Variants in NOTO observed in about 807,000 individuals in gnomAD.
The protein encoded by NOTO is homeobox protein notochord.
A neutral mutation model predicts 20.5 loss-of-function variants in NOTO; 19 were observed. The observed-to-expected ratio is 0.93, with a 90% confidence interval of 0.65 to 1.36. The LOEUF (loss-of-function observed/expected upper bound fraction) is 1.36, where lower values mean the gene tolerates loss of function less well. NOTO is among the 40% of genes most tolerant of loss of function. The probability of loss-of-function intolerance (pLI) is 0.00; values close to 1 mark genes in which losing one functional copy is unlikely to be tolerated. For synonymous variants in NOTO, 150 were observed against 150.2 expected (o/e 1.00, Z 0.01); for missense variants, 369 against 336.2 (o/e 1.10, Z -0.76).
At chr2:73,207,832 G>A (rs867518083) in intron 1 of NOTO, among the ~76,000 whole-genome samples, 1 of 152,124 alleles carries the variant, frequency 6.6e-6, no homozygotes, top group African/African-American at 2.4e-5. Flanking sequence ...TGGAATTACA[G>A]GCATGAGCCA....
At position 73,211,314 on chromosome 2, in the gene NOTO, GA is replaced by G. The variant is rs11369165; in HGVS notation, c.*395del. 4.6e-3 allele frequency: 716 copies of G among 155,990 alleles called. 4 individuals are homozygous for G. Among genetic ancestry groups the G allele is most frequent in the Middle Eastern group, 0.015 (5 of 326 alleles). The allele number at this position is 155,990 out of a possible 1,614,324, so 9.7% of individuals were successfully genotyped here. On this transcript the variant is annotated 3_prime_UTR_variant, in exon 3 of 3. Transcript: ENST00000398468. ...GCCCCTGAGTAGAGAAGACCAACTG[GA>G]AAAAAAAAAGTTTTTTTCTTCTGCT...
Position 73,212,103 on chromosome 2 carries a change from A to G in NOTO, c.*1174A>G, listed in dbSNP as rs1383955168. ...TTAGCCCACTTCACAAAGTTTCCCA[A>G]CGTTTTCTTGTTTTGTCTGAACTGT... On this transcript the variant is annotated 3_prime_UTR_variant, in exon 3 of 3. Coordinates refer to ENST00000398468, the MANE Select transcript of NOTO (RefSeq NM_001134462.2). 1.3e-5 allele frequency: 2 copies of G among 152,182 alleles called. No individual in the cohort carries two copies. Among genetic ancestry groups the G allele is most frequent in the East Asian group, 3.9e-4 (2 of 5,184 alleles). 9.4% of individuals were successfully genotyped at this position (152,182 alleles called of 1,614,324 possible). A position where few individuals can be genotyped will look rare whatever the true frequency, so the allele number is the denominator to read the frequency against.
chr2:73,203,132 G>A lies in NOTO; in HGVS notation c.382+84G>A. 2.5e-6 allele frequency: 3 copies of A among 1,188,320 alleles called. No homozygotes were observed. In the South Asian group the frequency reaches 6.1e-5, roughly 24 times the overall value. The allele number at this position is 1,188,320 out of a possible 1,614,324, so 73.6% of individuals were successfully genotyped here. On this transcript the variant is annotated intron_variant, in intron 1 of 2. Coordinates refer to ENST00000398468, the MANE Select transcript of NOTO (RefSeq NM_001134462.2). ...CGCCACTGCCGGCGCCCCAGTGCAG[G>A]AGAGGGCACTGAGTGTGAGAATCAC...
chr2:73,208,275 C>T, intron 1 of NOTO, 125 bp from the exon 2 acceptor site: 1 of 642,250 alleles, frequency 1.6e-6, no homozygotes, highest in Admixed American at 2.7e-5. Context: ...GTTACCTGGC[C>T]AAGGGGAAGG....
intron 2 of NOTO, among the ~76,000 whole-genome samples, chr2:73,210,377 C>T (rs1386153449): frequency 6.6e-6 from 1 of 152,214 alleles, no homozygotes; most frequent in Non-Finnish European, 1.5e-5. Context: ...CTTTGAGCCT[C>T]AGCTTTAATG....
At chr2:73,203,090 G>T (rs1686029881) in intron 1 of NOTO, 42 bp downstream of exon 1, 2 of 1,365,900 alleles carry the variant, frequency 1.5e-6, no homozygotes, top group Non-Finnish European at 1.9e-6. Context: ...ACTGGGCGGG[G>T]GCTGGAGAGC....
In NOTO at chr2:73,210,770, G is replaced by T. The variant is rs1248048549; in HGVS notation, c.598-1G>T. 1 of 1,548,576 alleles carries T rather than the reference G, an allele frequency of 6.5e-7. No individual in the cohort carries two copies. The highest frequency in any genetic ancestry group is 2.0e-5 in the Admixed American group (1 of 50,802). On this transcript the variant is annotated splice_acceptor_variant, in intron 2 of 2. Transcript: ENST00000398468. LOFTEE classifies it high-confidence loss of function. The stretch of plus-strand genomic sequence containing the variant: ...GATCTCTGCCCACTCTCCAATTATA[G>T]GTGAGAGTCTGGTTCCAGAACCGCA...
At chr2:73,203,690 C>T (rs10199536) in intron 1 of NOTO, among the ~76,000 whole-genome samples, 37,988 of 152,144 alleles carry the variant, frequency 0.25, 5,721 homozygotes, top group African/African-American at 0.43. Context: ...TAAGGTTGGG[C>T]GCGGTGGCTC....
At chr2:73,204,965 C>G (rs1686070052) in intron 1 of NOTO, among the ~76,000 whole-genome samples, 1 of 149,612 alleles carries the variant, frequency 6.7e-6, no homozygotes, top group African/African-American at 2.5e-5. Flanking sequence ...ACTGCAAGCT[C>G]CGCCTCCCGG....
Position 73,212,513 on chromosome 2 carries a change from G to C in NOTO, c.*1584G>C, listed in dbSNP as rs979758825. On this transcript the variant is annotated 3_prime_UTR_variant, in exon 3 of 3. Coordinates refer to ENST00000398468, the MANE Select transcript of NOTO (RefSeq NM_001134462.2). Reference sequence around the variant, plus strand: ...TATAATTTCCCCCTTTCATGACTCTGACTCATGGCTCCTTTTTCTTCTCAA... The same window carrying C: ...TATAATTTCCCCCTTTCATGACTCTCACTCATGGCTCCTTTTTCTTCTCAA... The C allele has an allele frequency of 1.3e-5, 2 of 152,242 alleles. No homozygotes were observed. Among genetic ancestry groups the C allele is most frequent in the African/African-American group, 4.8e-5 (2 of 41,462 alleles). 9.4% of individuals were successfully genotyped at this position (152,242 alleles called of 1,614,324 possible). A position where few individuals can be genotyped will look rare whatever the true frequency, so the allele number is the denominator to read the frequency against.
At chr2:73,203,481 G>T (rs530141417) in intron 1 of NOTO, among the ~76,000 whole-genome samples, 14 of 151,782 alleles carry the variant, frequency 9.2e-5, no homozygotes, top group Non-Finnish European at 1.8e-4. Flanking sequence ...TTTTTACGGG[G>T]TAGGGGGAAG....
chr2:73,202,686 G>A lies in NOTO; in HGVS notation c.20G>A (p.Arg7Gln), dbSNP rs1329327278. The A allele has an allele frequency of 1.3e-6, 2 of 1,500,282 alleles. No homozygotes were observed. The highest frequency in any genetic ancestry group is 1.8e-6 in the Non-Finnish European group (2 of 1,132,128). 92.9% of individuals were successfully genotyped at this position (1,500,282 alleles called of 1,614,324 possible). A position where few individuals can be genotyped will look rare whatever the true frequency, so the allele number is the denominator to read the frequency against. MPSPRP[R>Q]GSPPPAPSGS... ...CGCGTCATGCCTAGCCCCAGGCCGC[G>A]AGGCAGCCCGCCACCCGCTCCCTCG... The change falls in exon 1 of 3, where the codon CGA becomes CAA. Residue 7 changes from arginine (R) to glutamine (Q), a missense_variant. Arg to Gln is a conservative substitution (Grantham distance 43). Transcript: ENST00000398468.
chr2:73,206,574 AG>A (rs890002008), intron 1 of NOTO, among the ~76,000 whole-genome samples: 1 of 152,032 alleles, frequency 6.6e-6, no homozygotes, highest in African/African-American at 2.4e-5. Context: ...CCTGGGCTCA[AG>A]CGATGGGCCC....
chr2:73,208,624 G>A lies in NOTO; in HGVS notation c.597+10G>A. 6.5e-7 allele frequency: 1 copy of A among 1,529,980 alleles called. No individual in the cohort carries two copies. Among genetic ancestry groups the A allele is most frequent in the South Asian group, 1.2e-5 (1 of 83,534 alleles). 94.8% of individuals were successfully genotyped at this position (1,529,980 alleles called of 1,614,324 possible). On this transcript the variant is annotated intron_variant, in intron 2 of 2. Coordinates refer to ENST00000398468, the MANE Select transcript of NOTO (RefSeq NM_001134462.2). The stretch of plus-strand genomic sequence containing the variant: ...ACTTACAGAGAACCAGGTGGGAGTA[G>A]GGACTCCTATTGGGCCTGGGCTGCA...
intron 1 of NOTO, among the ~76,000 whole-genome samples, 197 bp from the exon 2 acceptor site, chr2:73,208,203 C>T (rs1000713925): frequency 6.6e-5 from 10 of 152,264 alleles, no homozygotes; most frequent in African/African-American, 2.2e-4. Context: ...ATTGTCCCTT[C>T]TTTCCCATTT....
In NOTO at chr2:73,211,300, G is replaced by T; in HGVS notation, c.*371G>T. On this transcript the variant is annotated 3_prime_UTR_variant, in exon 3 of 3. Transcript: ENST00000398468. Reference sequence around the variant, plus strand: ...GTTAAGGCTTGTAGGCCCCTGAGTAGAGAAGACCAACTGGAAAAAAAAAAG... The same window carrying T: ...GTTAAGGCTTGTAGGCCCCTGAGTATAGAAGACCAACTGGAAAAAAAAAAG... 5.9e-6 allele frequency: 1 copy of T among 168,822 alleles called. No homozygotes were observed. The highest frequency in any genetic ancestry group is 1.2e-5 in the Non-Finnish European group (1 of 82,618). 10.5% of individuals were successfully genotyped at this position (168,822 alleles called of 1,614,324 possible). A position where few individuals can be genotyped will look rare whatever the true frequency, so the allele number is the denominator to read the frequency against.
At chr2:73,204,030 C>T (rs1686048850) in intron 1 of NOTO, among the ~76,000 whole-genome samples, 2 of 83,062 alleles carry the variant, frequency 2.4e-5, no homozygotes, top group Admixed American at 2.2e-4. Context: ...ACCCGGGAGG[C>T]GGAGCTTGCA....
At chr2:73,210,690 AG>A in intron 2 of NOTO, 80 bp from the exon 3 acceptor site, 1 of 1,214,510 alleles carries the variant, frequency 8.2e-7, no homozygotes, top group Non-Finnish European at 1.1e-6. Flanking sequence ...GGCCAGGCAG[AG>A]AGGGGTGTTC....
intron 1 of NOTO, among the ~76,000 whole-genome samples, chr2:73,208,069 C>T (rs929059432): frequency 5.3e-5 from 8 of 152,166 alleles, no homozygotes; most frequent in African/African-American, 1.9e-4. Context: ...CATTCCATGG[C>T]GTTGCCAGAA....
Sources: allele counts gnomAD v4.1 joint callset (sites outside exome capture counted in the v4.1 genomes callset), GRCh38; gene constraint gnomAD v4.1.1; transcripts MANE v1.5; gene names NCBI Gene and HGNC (gene_info 2026-07-23, HGNC 2026-07-21).